The following TDRD3 variants were observed in gnomAD, a reference collection of about 807,000 sequenced individuals.
TDRD3 encodes the protein tudor domain containing 3.
A neutral mutation model predicts 86.7 loss-of-function variants in TDRD3; 45 were observed. The observed-to-expected ratio is 0.52, with a 90% CI of 0.41 to 0.67. TDRD3 has a LOEUF of 0.67. TDRD3 is among the 30% of genes least tolerant of loss of function. The probability of loss-of-function intolerance (pLI) is 0.00; values close to 1 mark genes in which losing one functional copy is unlikely to be tolerated. For missense variants in TDRD3, 814 were observed against 889.0 expected, an observed-to-expected ratio of 0.92 and a Z score of 1.07; for synonymous variants, 298 against 301.7, an observed-to-expected ratio of 0.99 and a Z score of 0.13.
At chr13:60,566,882 CAAATAA>C (rs1406508832) in intron 12 of TDRD3, among the ~76,000 whole-genome samples, 2 of 152,100 alleles carry the variant, frequency 1.3e-5, no homozygotes, top group African/African-American at 4.8e-5. Flanking sequence ...AGTAAGAAAG[CAAATAA>C]AAATAAAATA....
intron 1 of TDRD3, among the ~76,000 whole-genome samples, chr13:60,419,162 TCCAA>T (rs1197860419): frequency 6.6e-6 from 1 of 152,230 alleles, no homozygotes; most frequent in Non-Finnish European, 1.5e-5. Flanking sequence ...CATTTTATAC[TCCAA>T]CCAACAGTGT....
chr13:60,482,939 A>C (rs1956351901), intron 5 of TDRD3, among the ~76,000 whole-genome samples: 1 of 151,910 alleles, frequency 6.6e-6, no homozygotes. Context: ...GTTGAGATGT[A>C]TTAAGTAACA....
At chr13:60,555,287 T>A (rs1339108513) in intron 12 of TDRD3, among the ~76,000 whole-genome samples, 1 of 152,182 alleles carries the variant, frequency 6.6e-6, no homozygotes, top group African/African-American at 2.4e-5. Flanking sequence ...CTTACTGAGG[T>A]AAAGTAGTAT....
At chr13:60,493,462 G>C (rs944008350) in intron 7 of TDRD3, among the ~76,000 whole-genome samples, 9 of 151,960 alleles carry the variant, frequency 5.9e-5, no homozygotes, top group Non-Finnish European at 1.0e-4. Flanking sequence ...AGGAGTTCGA[G>C]ACCAGCCTGG....
chr13:60,424,862 G>A (rs1480683082), intron 1 of TDRD3, among the ~76,000 whole-genome samples: 1 of 151,954 alleles, frequency 6.6e-6, no homozygotes, highest in Non-Finnish European at 1.5e-5. Context: ...TTTATATGAC[G>A]TTTCATATAA....
At chr13:60,399,405 G>A (rs996385431) in intron 1 of TDRD3, among the ~76,000 whole-genome samples, 4 of 152,192 alleles carry the variant, frequency 2.6e-5, no homozygotes, top group Admixed American at 2.6e-4. Context: ...AGTAATCTGC[G>A]GGGCTAAAAA....
intron 12 of TDRD3, among the ~76,000 whole-genome samples, chr13:60,564,759 C>G (rs1474003219): frequency 5.9e-5 from 9 of 152,054 alleles, no homozygotes; most frequent in African/African-American, 2.2e-4. Context: ...TTACAGAGTA[C>G]TGAGACCTAA....
intron 1 of TDRD3, among the ~76,000 whole-genome samples, chr13:60,422,014 CTT>C (rs1954671876): frequency 6.6e-6 from 1 of 152,088 alleles, no homozygotes; most frequent in South Asian, 2.1e-4. Context: ...AGGCATGTAA[CTT>C]AAAATAGACA....
At chr13:60,461,664 G>A (rs9538710) in intron 4 of TDRD3, among the ~76,000 whole-genome samples, 18,958 of 152,152 alleles carry the variant, frequency 0.12, 1,369 homozygotes, top group East Asian at 0.2. Context: ...AGTGCTGGAG[G>A]TACAAAGGTA....
intron 8 of TDRD3, among the ~76,000 whole-genome samples, chr13:60,497,596 C>T (rs1165319692): frequency 6.6e-6 from 1 of 152,158 alleles, no homozygotes; most frequent in East Asian, 1.9e-4. Flanking sequence ...AAAACAGACA[C>T]AAGCTCTTAT....
chr13:60,474,415 G>A (rs988691512), intron 5 of TDRD3, among the ~76,000 whole-genome samples: 1 of 152,042 alleles, frequency 6.6e-6, no homozygotes, highest in African/African-American at 2.4e-5. Flanking sequence ...TCTTTGTGTT[G>A]TGTCTTTATT....
chr13:60,485,759 T>G (rs1270738397), intron 6 of TDRD3, 40 bp from the exon 7 acceptor site: 1 of 1,466,774 alleles, frequency 6.8e-7, no homozygotes, highest in African/African-American at 1.4e-5. Context: ...GAATCTCTTT[T>G]GGAACTACTA....
chr13:60,490,844 G>A (rs1003341654), intron 7 of TDRD3, among the ~76,000 whole-genome samples: 6 of 152,100 alleles, frequency 3.9e-5, no homozygotes, highest in African/African-American at 9.7e-5. Context: ...CTAGCCAGGC[G>A]CAGTGGCTCA....
intron 12 of TDRD3, among the ~76,000 whole-genome samples, chr13:60,566,492 G>C (rs1432063309): frequency 6.6e-6 from 1 of 152,004 alleles, no homozygotes; most frequent in Non-Finnish European, 1.5e-5. Context: ...GCAATATTTT[G>C]AGAAAGAAGA....
chr13:60,518,945 A>T (rs986376679), intron 10 of TDRD3, among the ~76,000 whole-genome samples: 16 of 149,694 alleles, frequency 1.1e-4, no homozygotes, highest in Non-Finnish European at 1.6e-4. Context: ...AATTTTTGAA[A>T]GATGTTATAT....
At chr13:60,518,370 T>A (rs553925862) in intron 10 of TDRD3, among the ~76,000 whole-genome samples, 1 of 152,214 alleles carries the variant, frequency 6.6e-6, no homozygotes, top group African/African-American at 2.4e-5. Flanking sequence ...CTGTCCTCAC[T>A]GTGCCTTTTC....
At chr13:60,461,481 T>C (rs1354837344) in intron 4 of TDRD3, among the ~76,000 whole-genome samples, 1 of 152,208 alleles carries the variant, frequency 6.6e-6, no homozygotes, top group African/African-American at 2.4e-5. Context: ...AGGTGGAAAC[T>C]TTCACTAGAC....
intron 12 of TDRD3, among the ~76,000 whole-genome samples, chr13:60,552,584 C>T (rs1037307061): frequency 1.3e-5 from 2 of 152,236 alleles, no homozygotes; most frequent in South Asian, 2.1e-4. Flanking sequence ...CACAGCTTCA[C>T]TAGGCAGTGC....
At chr13:60,505,533 C>A (rs1956918261) in intron 8 of TDRD3, among the ~76,000 whole-genome samples, 1 of 152,162 alleles carries the variant, frequency 6.6e-6, no homozygotes, top group Non-Finnish European at 1.5e-5. Flanking sequence ...CATAAACATT[C>A]CTGCCTGCCG....
Sources: allele counts gnomAD v4.1 joint callset (sites outside exome capture counted in the v4.1 genomes callset), GRCh38; gene constraint gnomAD v4.1.1; transcripts MANE v1.5; gene names NCBI Gene and HGNC (gene_info 2026-07-23, HGNC 2026-07-21).